Variants in PCDHA7 observed in about 807,000 individuals in gnomAD.
PCDHA7 encodes the protein protocadherin alpha-7.
Under a neutral mutation model 57.2 loss-of-function variants are expected in PCDHA7, and 37 were observed. That is an observed-to-expected ratio of 0.65 (90% CI 0.50 to 0.85). The LOEUF (loss-of-function observed/expected upper bound fraction) is 0.85. Among genes scored for constraint, PCDHA7 ranks in the 40% least tolerant of loss-of-function variants. The probability of loss-of-function intolerance (pLI) is 0.00; values close to 1 mark genes in which losing one functional copy is unlikely to be tolerated. For synonymous variants in PCDHA7, 553 were observed against 558.8 expected (o/e 0.99, Z 0.15); for missense variants, 1,188 against 1,241.8 (o/e 0.96, Z 0.65).
At chr5:140,861,600 A>G (rs782505060) in intron 1 of PCDHA7, 3 of 371,010 alleles carry the variant, frequency 8.1e-6, no homozygotes, top group Non-Finnish European at 1.6e-5. Context: ...GAAAGTGAAG[A>G]ACAATAAAGA....
intron 1 of PCDHA7, chr5:140,883,223 T>C: frequency 6.2e-7 from 1 of 1,613,922 alleles, no homozygotes; most frequent in Non-Finnish European, 8.5e-7. Flanking sequence ...ATATGAAATA[T>C]CCGTGGAGGC....
At chr5:140,966,794 G>T in intron 1 of PCDHA7, 1 of 1,533,558 alleles carries the variant, frequency 6.5e-7, no homozygotes. Context: ...CAGACCTGCG[G>T]CGACAGAGCA....
rs545473160 is a variant in PCDHA7 at position 140,873,172 on chromosome 5, G to C, written c.2355+36434G>C. ...CATAGACTTTAGATCGAGAGCTTTT[G>C]TATCATAATATTCATTGGCTAAAAA... On this transcript the variant is annotated intron_variant, in intron 1 of 3. Transcript: ENST00000525929. 2.6e-5 allele frequency among the ~76,000 whole-genome samples: 4 copies of C among 152,084 alleles called. No individual in the cohort carries two copies. In the South Asian group the frequency reaches 8.3e-4, roughly 32 times the overall value.
At chr5:140,892,803 A>T (rs1554185373) in intron 1 of PCDHA7, among the ~76,000 whole-genome samples, 1 of 152,174 alleles carries the variant, frequency 6.6e-6, no homozygotes. Context: ...ATTATAGTTA[A>T]CCATATTTAT....
Position 140,978,953 on chromosome 5 carries a change from G to T in PCDHA7, c.2360G>T (p.Arg787Leu), listed in dbSNP as rs781913955. The T allele has an allele frequency of 6.2e-7, 1 of 1,614,048 alleles. No individual in the cohort carries two copies. Among genetic ancestry groups the T allele is most frequent in the Admixed American group, 1.7e-5 (1 of 59,996 alleles). The change falls in exon 2 of 4, where the codon CGA becomes CTA. Residue 787 changes from arginine to leucine, a missense_variant. Physicochemically the swap from Arg to Leu is moderately radical, Grantham distance 102 (BLOSUM62 -2). Coordinates refer to ENST00000525929, the MANE Select transcript of PCDHA7 (RefSeq NM_018910.3). ...ACTCTCTTTGTGATTTTGCAGCCAC[G>T]ACAGCCCAACCCTGACTGGCGTTAC... ...PQGPSSTDNP[R>L]QPNPDWRYSA... is the part of the protein sequence containing the mutation.
intron 1 of PCDHA7, chr5:140,870,708 C>A (rs781841032): frequency 1.9e-6 from 3 of 1,613,016 alleles, no homozygotes; most frequent in East Asian, 4.5e-5. Context: ...TCCAGGTGAG[C>A]GCGCGCGATG....
chr5:140,917,313 T>C (rs1294382574), intron 1 of PCDHA7, among the ~76,000 whole-genome samples: 12 of 132,588 alleles, frequency 9.1e-5, no homozygotes, highest in African/African-American at 3.0e-4. Flanking sequence ...TACAATTTGG[T>C]GTTCATGTGG....
At chr5:140,938,849 T>C (rs961236945) in intron 1 of PCDHA7, among the ~76,000 whole-genome samples, 1 of 152,102 alleles carries the variant, frequency 6.6e-6, no homozygotes, top group Admixed American at 6.6e-5. Flanking sequence ...CCTGCCCATG[T>C]ACCCCTGAAC....
chr5:140,969,110 C>T (rs1380719565), intron 1 of PCDHA7: 5 of 1,614,064 alleles, frequency 3.1e-6, no homozygotes, highest in Non-Finnish European at 3.4e-6. Flanking sequence ...CATTGAAGTT[C>T]GAGGGAATGG....
At chr5:140,934,879 T>C (rs1202301097) in intron 1 of PCDHA7, among the ~76,000 whole-genome samples, 1 of 152,206 alleles carries the variant, frequency 6.6e-6, no homozygotes, top group African/African-American at 2.4e-5. Flanking sequence ...TGTTTGTGTA[T>C]CTTGTTTTAA....
At chr5:140,848,698 CCAAAGG>C (rs2040558195) in intron 1 of PCDHA7, 1 of 1,592,180 alleles carries the variant, frequency 6.3e-7, no homozygotes, top group African/African-American at 1.3e-5. Context: ...CAGTTGGATT[CCAAAGG>C]CCGCGGGGAC....
chr5:140,889,034 T>A (rs1554183750), intron 1 of PCDHA7, among the ~76,000 whole-genome samples: 4 of 152,080 alleles, frequency 2.6e-5, no homozygotes, highest in Non-Finnish European at 5.9e-5. Flanking sequence ...TAACCGTAAT[T>A]TGATTATAAT....
chr5:140,967,108 G>A (rs2096097580), intron 1 of PCDHA7: 1 of 1,612,960 alleles, frequency 6.2e-7, no homozygotes, highest in South Asian at 1.1e-5. Flanking sequence ...GTGAGCAGCG[G>A]CCTCGCTGCC....
intron 1 of PCDHA7, among the ~76,000 whole-genome samples, chr5:140,894,725 G>A (rs3776121): frequency 0.31 from 47,403 of 151,506 alleles, 8,352 homozygotes; most frequent in East Asian, 0.53. Context: ...CAAATATTAC[G>A]TAGCAATTTG....
intron 1 of PCDHA7, among the ~76,000 whole-genome samples, chr5:140,921,271 A>C (rs1190111273): frequency 1.3e-5 from 2 of 152,142 alleles, no homozygotes; most frequent in East Asian, 1.9e-4. Flanking sequence ...TTTTATACTT[A>C]CTTGAAAAAA....
chr5:140,898,349 C>A (rs1310511547), intron 1 of PCDHA7, among the ~76,000 whole-genome samples: 1 of 152,168 alleles, frequency 6.6e-6, no homozygotes, highest in African/African-American at 2.4e-5. Flanking sequence ...TTTAATCCAT[C>A]TTGAATTAAT....
chr5:140,971,386 G>A (rs1413710321), intron 1 of PCDHA7, among the ~76,000 whole-genome samples: 1 of 152,140 alleles, frequency 6.6e-6, no homozygotes, highest in East Asian at 1.9e-4. Flanking sequence ...CTTTAATAAA[G>A]GCAAATTTCT....
intron 1 of PCDHA7, among the ~76,000 whole-genome samples, chr5:140,844,278 G>A (rs1324463534): frequency 6.7e-6 from 1 of 149,048 alleles, no homozygotes; most frequent in Non-Finnish European, 1.5e-5. Context: ...CAGAATGATA[G>A]TGTTTTTCAA....
Position 140,877,923 on chromosome 5 carries a change from T to C in PCDHA7, c.2355+41185T>C, listed in dbSNP as rs1252401405. ...ATAACTACATTCTCTCATTTTTCTTTATGATTCTATCCTTTAAACTATCGA... is the reference window on the plus strand; with the variant it reads ...ATAACTACATTCTCTCATTTTTCTTCATGATTCTATCCTTTAAACTATCGA... On this transcript the variant is annotated intron_variant, in intron 1 of 3. Coordinates refer to ENST00000525929, the MANE Select transcript of PCDHA7 (RefSeq NM_018910.3). 5 of 1,421,040 alleles carry C rather than the reference T, an allele frequency of 3.5e-6. No individual in the cohort carries two copies. The African/African-American group carries it at 5.8e-5, about 16-fold the overall frequency. The allele number at this position is 1,421,040 out of a possible 1,614,324, so 88.0% of individuals were successfully genotyped here. A position where few individuals can be genotyped will look rare whatever the true frequency, so the allele number is the denominator to read the frequency against.
Sources: allele counts gnomAD v4.1 joint callset (sites outside exome capture counted in the v4.1 genomes callset), GRCh38; gene constraint gnomAD v4.1.1; transcripts MANE v1.5; gene names NCBI Gene and HGNC (gene_info 2026-07-23, HGNC 2026-07-21).